The following NOL4 variants were observed in gnomAD, a reference collection of about 807,000 sequenced individuals.
The protein encoded by NOL4 is cancer/testis antigen 125.
Under a neutral mutation model 75.9 loss-of-function variants are expected in NOL4, and 17 were observed. That is an observed-to-expected ratio of 0.22 (90% CI 0.15 to 0.34). The LOEUF (loss-of-function observed/expected upper bound fraction) is 0.34. Ranked by LOEUF, NOL4 falls within the 10% of genes least tolerant of loss-of-function variation. NOL4 has a pLI of 1.00. For synonymous variants in NOL4, 292 were observed against 289.9 expected (o/e 1.01, Z -0.07); for missense variants, 614 against 793.5 (o/e 0.77, Z 2.72).
chr18:33,937,588 G>A (rs1196561107), intron 9 of NOL4, among the ~76,000 whole-genome samples: 1 of 152,052 alleles, frequency 6.6e-6, no homozygotes, highest in Admixed American at 6.6e-5. Context: ...AATGCACACA[G>A]GAAGAGTGAT....
intron 4 of NOL4, among the ~76,000 whole-genome samples, chr18:34,095,627 C>T (rs972129517): frequency 5.3e-5 from 8 of 151,834 alleles, no homozygotes; most frequent in Admixed American, 2.6e-4. Flanking sequence ...GGAGTGAGGG[C>T]GTGTACTATA....
chr18:34,126,643 A>C (rs2080403375), intron 2 of NOL4, among the ~76,000 whole-genome samples: 1 of 152,092 alleles, frequency 6.6e-6, no homozygotes, highest in Admixed American at 6.6e-5. Flanking sequence ...CTGTGATATA[A>C]TACAATTGAT....
chr18:34,163,247 T>C lies in NOL4; in HGVS notation c.265-33227A>G, dbSNP rs573526352. ...TGTTGGAAGTTCTGGCCAGGGCAAT[T>C]AGGCAGGCGAAGGAAATAAAGGGTA... On this transcript the variant is annotated intron_variant, in intron 1 of 10. Coordinates refer to ENST00000261592, the MANE Select transcript of NOL4 (RefSeq NM_003787.5). 3.4e-3 allele frequency among the ~76,000 whole-genome samples: 494 copies of C among 147,394 alleles called. 5 individuals are homozygous for C. Among genetic ancestry groups the C allele is most frequent in the African/African-American group, 0.012 (476 of 40,280 alleles).
At chr18:34,195,230 A>T (rs74962743) in intron 1 of NOL4, among the ~76,000 whole-genome samples, 3,972 of 152,288 alleles carry the variant, frequency 0.026, 60 homozygotes, top group African/African-American at 0.033. Context: ...TAAATCAATT[A>T]CAAATAAAAT....
At chr18:33,908,266 C>A (rs114137418) in intron 9 of NOL4, among the ~76,000 whole-genome samples, 2,538 of 152,254 alleles carry the variant, frequency 0.017, 62 homozygotes, top group African/African-American at 0.057. Context: ...CTAGCCATCA[C>A]AGTAAATTTT....
chr18:33,902,419 T>C (rs1186465051), intron 9 of NOL4, among the ~76,000 whole-genome samples: 2 of 152,158 alleles, frequency 1.3e-5, no homozygotes, highest in Non-Finnish European at 2.9e-5. Context: ...TTCATCCAAT[T>C]CCATAACTTT....
At chr18:34,207,983 G>A (rs1433368344) in intron 1 of NOL4, among the ~76,000 whole-genome samples, 5 of 152,152 alleles carry the variant, frequency 3.3e-5, no homozygotes, top group African/African-American at 1.2e-4. Context: ...TAGACATGGT[G>A]ATCCCTCCAC....
chr18:33,897,635 G>A (rs2065489845), intron 9 of NOL4, among the ~76,000 whole-genome samples: 1 of 152,004 alleles, frequency 6.6e-6, no homozygotes, highest in South Asian at 2.1e-4. Context: ...AGGAAGAGGA[G>A]CAGAAAAGAT....
At chr18:34,128,662 C>T (rs1200635920) in intron 2 of NOL4, among the ~76,000 whole-genome samples, 1 of 151,608 alleles carries the variant, frequency 6.6e-6, no homozygotes, top group Non-Finnish European at 1.5e-5. Context: ...TAGTGCCTGC[C>T]CACAAACCAT....
At chr18:33,870,017 A>G (rs1413369183) in intron 10 of NOL4, among the ~76,000 whole-genome samples, 2 of 152,146 alleles carry the variant, frequency 1.3e-5, no homozygotes, top group East Asian at 1.9e-4. Flanking sequence ...TTGCTTAGAA[A>G]GCAAATTAGT....
chr18:33,946,891 C>T (rs2068871569), intron 8 of NOL4, among the ~76,000 whole-genome samples: 1 of 151,526 alleles, frequency 6.6e-6, no homozygotes, highest in African/African-American at 2.4e-5. Flanking sequence ...TATACACGAA[C>T]CATAATAAAG....
chr18:34,013,479 A>G (rs752727839), intron 6 of NOL4, among the ~76,000 whole-genome samples: 2 of 151,972 alleles, frequency 1.3e-5, no homozygotes, highest in Non-Finnish European at 2.9e-5. Flanking sequence ...TGTCAACTAA[A>G]GAGTAAAATC....
chr18:33,999,417 T>G (rs189563298), intron 6 of NOL4, among the ~76,000 whole-genome samples: 1 of 152,084 alleles, frequency 6.6e-6, no homozygotes, highest in Non-Finnish European at 1.5e-5. Flanking sequence ...TATAAAAATA[T>G]AATGTTATTT....
At chr18:33,918,793 C>G (rs2066873072) in intron 9 of NOL4, among the ~76,000 whole-genome samples, 1 of 152,032 alleles carries the variant, frequency 6.6e-6, no homozygotes, top group Non-Finnish European at 1.5e-5. Flanking sequence ...CTCTAGGGAC[C>G]AAGCGAAACT....
rs140731915 is a variant in NOL4 at position 34,171,201 on chromosome 18, C to A, written c.265-41181G>T. On this transcript the variant is annotated intron_variant, in intron 1 of 10. Coordinates refer to ENST00000261592, the MANE Select transcript of NOL4 (RefSeq NM_003787.5). ...TTCAGGTAATCATACAACACATTTT[C>A]TTGGTTTATGTTATGAAATGTGATG... Among the ~76,000 whole-genome samples, 349 of 152,168 alleles carry A rather than the reference C, an allele frequency of 2.3e-3. 1 individual carries two copies. The highest frequency in any genetic ancestry group is 8.0e-3 in the African/African-American group (332 of 41,532).
intron 8 of NOL4, among the ~76,000 whole-genome samples, chr18:33,947,418 A>G (rs926083256): frequency 6.6e-6 from 1 of 151,792 alleles, no homozygotes; most frequent in Non-Finnish European, 1.5e-5. Flanking sequence ...AAGAGTGGCC[A>G]TAAAACACAA....
intron 1 of NOL4, among the ~76,000 whole-genome samples, chr18:34,211,881 T>C (rs1348589935): frequency 6.6e-6 from 1 of 152,160 alleles, no homozygotes; most frequent in African/African-American, 2.4e-5. Context: ...ATTACTGCTA[T>C]TTTTTATATT....
intron 5 of NOL4, among the ~76,000 whole-genome samples, chr18:34,070,533 A>G (rs969426675): frequency 6.7e-6 from 1 of 149,392 alleles, no homozygotes; most frequent in African/African-American, 2.4e-5. Context: ...TAAACAACTT[A>G]AGCCAGAACA....
intron 10 of NOL4, among the ~76,000 whole-genome samples, chr18:33,853,685 G>A (rs894036963): frequency 2.6e-5 from 4 of 151,858 alleles, no homozygotes; most frequent in Non-Finnish European, 5.9e-5. Context: ...ATTTGCTTTA[G>A]AAGTGCAATA....
Sources: allele counts gnomAD v4.1 joint callset (sites outside exome capture counted in the v4.1 genomes callset), GRCh38; gene constraint gnomAD v4.1.1; transcripts MANE v1.5; gene names NCBI Gene and HGNC (gene_info 2026-07-23, HGNC 2026-07-21).